The following CREB5 variants were observed in gnomAD, a reference collection of about 807,000 sequenced individuals.
CREB5 encodes cAMP responsive element binding protein 5.
Under a neutral mutation model 57.1 loss-of-function variants are expected in CREB5, and 19 were observed. The ratio of observed to expected loss-of-function variants is 0.33; its 90% CI spans 0.23 to 0.49. The LOEUF is 0.49. CREB5 is among the 20% of genes least tolerant of loss of function. The pLI is 0.99. For synonymous variants in CREB5, 238 were observed against 238.3 expected, an observed-to-expected ratio of 1.00 and a Z score of 0.01; for missense variants, 579 against 671.6, an observed-to-expected ratio of 0.86 and a Z score of 1.52.
chr7:28,330,634 A>AC (rs931768422), intron 1 of CREB5, among the ~76,000 whole-genome samples: 39 of 151,726 alleles, frequency 2.6e-4, no homozygotes, highest in African/African-American at 9.0e-4. Flanking sequence ...GCAAAAAAAA[A>AC]AACAACCACA....
At chr7:28,524,674 T>A (rs1793364932) in intron 4 of CREB5, among the ~76,000 whole-genome samples, 1 of 152,202 alleles carries the variant, frequency 6.6e-6, no homozygotes, top group African/African-American at 2.4e-5. Context: ...TTTTGTGAGT[T>A]TTAATTTTTC....
intron 8 of CREB5, among the ~76,000 whole-genome samples, chr7:28,805,462 G>T (rs1583787707): frequency 1.3e-5 from 2 of 152,212 alleles, no homozygotes; most frequent in South Asian, 4.2e-4. Flanking sequence ...TCAGAAGGGT[G>T]TCGGAAGCAT....
intron 6 of CREB5, among the ~76,000 whole-genome samples, chr7:28,722,659 A>G (rs1438140926): frequency 6.6e-6 from 1 of 152,170 alleles, no homozygotes; most frequent in Non-Finnish European, 1.5e-5. Flanking sequence ...TGAACATTTT[A>G]TTTTACTGAA....
chr7:28,467,103 C>T (rs894656660), intron 1 of CREB5, among the ~76,000 whole-genome samples: 7 of 152,188 alleles, frequency 4.6e-5, no homozygotes, highest in African/African-American at 1.4e-4. Flanking sequence ...GTCACTACTA[C>T]CCAGTGCCCA....
At chr7:28,722,376 G>A (rs985813076) in intron 6 of CREB5, among the ~76,000 whole-genome samples, 12 of 152,074 alleles carry the variant, frequency 7.9e-5, no homozygotes, top group African/African-American at 2.2e-4. Flanking sequence ...GTCACCAGTC[G>A]GAATAAGGGG....
chr7:28,670,788 A>T (rs1193516423), intron 5 of CREB5, among the ~76,000 whole-genome samples: 1 of 152,178 alleles, frequency 6.6e-6, no homozygotes. Flanking sequence ...TTCTTTCCAC[A>T]ACTCTGTAGT....
chr7:28,484,886 A>G (rs1014858498), intron 1 of CREB5, among the ~76,000 whole-genome samples: 9 of 152,224 alleles, frequency 5.9e-5, no homozygotes, highest in Admixed American at 3.3e-4. Flanking sequence ...TGAAGACTCA[A>G]TTAAGACAGT....
chr7:28,624,676 G>A (rs1369207761), intron 5 of CREB5, among the ~76,000 whole-genome samples: 21 of 130,140 alleles, frequency 1.6e-4, no homozygotes, highest in South Asian at 2.5e-4. Flanking sequence ...CAACAGACGT[G>A]AAAAAAAAAA....
At chr7:28,310,459 C>T (rs1403101537) in intron 1 of CREB5, among the ~76,000 whole-genome samples, 2 of 152,158 alleles carry the variant, frequency 1.3e-5, no homozygotes, top group Non-Finnish European at 2.9e-5. Flanking sequence ...GTTGGAAGAG[C>T]TTTGGGGGTC....
chr7:28,704,757 G>A (rs1298242984), intron 5 of CREB5, among the ~76,000 whole-genome samples: 5 of 152,106 alleles, frequency 3.3e-5, no homozygotes, highest in East Asian at 3.9e-4. Flanking sequence ...GCACCCAGCC[G>A]GATTACTCTC....
intron 1 of CREB5, among the ~76,000 whole-genome samples, chr7:28,353,506 C>T (rs1038504514): frequency 4.6e-5 from 7 of 152,134 alleles, no homozygotes; most frequent in East Asian, 3.9e-4. Context: ...TATGTGCATA[C>T]ATATAAGATA....
At chr7:28,561,037 T>TGCGC (rs1795252131) in intron 4 of CREB5, among the ~76,000 whole-genome samples, 1 of 136,058 alleles carries the variant, frequency 7.3e-6, no homozygotes, top group Non-Finnish European at 1.6e-5. Flanking sequence ...TGTGTGTGTG[T>TGCGC]GTGTGTGAAG....
intron 5 of CREB5, among the ~76,000 whole-genome samples, chr7:28,629,345 G>A (rs1339590487): frequency 1.3e-5 from 2 of 152,174 alleles, no homozygotes; most frequent in Non-Finnish European, 2.9e-5. Context: ...CCTTTCCTTG[G>A]AGAGTTGTCC....
intron 1 of CREB5, among the ~76,000 whole-genome samples, chr7:28,432,837 A>G (rs1344112773): frequency 1.3e-5 from 2 of 152,236 alleles, no homozygotes; most frequent in Non-Finnish European, 2.9e-5. Flanking sequence ...AGAAAATTCT[A>G]ACCAAAGATG....
chr7:28,718,661 A>C, intron 5 of CREB5, 92 bp from the exon 6 acceptor site: 3 of 1,541,348 alleles, frequency 1.9e-6, no homozygotes, highest in East Asian at 2.3e-5. Context: ...TCTGCTGCAC[A>C]TGTGACATTG....
intron 5 of CREB5, among the ~76,000 whole-genome samples, chr7:28,574,427 TATC>T (rs1278891095): frequency 6.6e-5 from 10 of 152,228 alleles, no homozygotes; most frequent in Non-Finnish European, 2.9e-5. Context: ...CTTTGTTTCT[TATC>T]ATCTAAGACA....
At chr7:28,375,217 G>A (rs534698116) in intron 1 of CREB5, among the ~76,000 whole-genome samples, 2 of 152,272 alleles carry the variant, frequency 1.3e-5, no homozygotes, top group East Asian at 3.9e-4. Context: ...GTTTGGTTAT[G>A]GGAAATCTAC....
intron 1 of CREB5, among the ~76,000 whole-genome samples, chr7:28,358,160 G>A (rs955210474): frequency 4.6e-5 from 7 of 152,166 alleles, no homozygotes; most frequent in African/African-American, 1.7e-4. Context: ...CCATGGTCAA[G>A]GTCATGTCCT....
At chr7:28,411,621 A>C (rs988878332), upstream of CREB5, among the ~76,000 whole-genome samples, 3 of 152,182 alleles carry the variant, frequency 2.0e-5, no homozygotes, top group African/African-American at 7.2e-5. Context: ...AAGTATTAAC[A>C]GAGTTTTGGA....
Sources: allele counts gnomAD v4.1 joint callset (sites outside exome capture counted in the v4.1 genomes callset), GRCh38; gene constraint gnomAD v4.1.1; transcripts MANE v1.5; gene names NCBI Gene and HGNC (gene_info 2026-07-23, HGNC 2026-07-21).